CSN3: variants seen among roughly 807,000 people sequenced by gnomAD.
CSN3 encodes the protein casein kappa.
In CSN3, 7 loss-of-function variants were observed where a neutral mutation model predicts 9.9. The observed-to-expected ratio is 0.71, with a 90% CI of 0.40 to 1.33. The LOEUF (loss-of-function observed/expected upper bound fraction) is 1.33. CSN3 is among the 40% of genes most tolerant of loss of function. The pLI is 0.01. For synonymous variants in CSN3, 88 were observed against 82.3 expected, an observed-to-expected ratio of 1.07 and a Z score of -0.37; for missense variants, 253 against 227.9, an observed-to-expected ratio of 1.11 and a Z score of -0.71.
At chr4:70,239,579 A>G (rs763349134), upstream of CSN3, among the ~76,000 whole-genome samples, 7 of 152,070 alleles carry the variant, frequency 4.6e-5, no homozygotes, top group South Asian at 1.2e-3. Context: ...TAAAGTCACA[A>G]TGACACTCAC....
At chr4:70,249,026 A>G (rs758357993) in exon 4 of CSN3, 1 of 1,604,094 alleles carries the variant, frequency 6.2e-7, no homozygotes, top group Non-Finnish European at 8.5e-7. Context: ...AGACCATTCT[A>G]TCAGAAAACA....
exon 4 of CSN3, chr4:70,249,217 C>T (rs886981765): frequency 6.2e-7 from 1 of 1,613,918 alleles, no homozygotes; most frequent in African/African-American, 1.3e-5. Flanking sequence ...GCCAAATAGC[C>T]ACCCACCCAC....
intron 4 of CSN3, among the ~76,000 whole-genome samples, chr4:70,250,140 T>G (rs1174875522): frequency 6.6e-6 from 1 of 152,224 alleles, no homozygotes; most frequent in African/African-American, 2.4e-5. Context: ...TGTTACTATT[T>G]ATTACTTGGA....
At chr4:70,244,708 A>G in intron 1 of CSN3, 104 bp from the exon 2 acceptor site, 1 of 518,564 alleles carries the variant, frequency 1.9e-6, no homozygotes, top group Non-Finnish European at 3.0e-6. Flanking sequence ...TCTACCTGTA[A>G]ATCTGGCTTT....
chr4:70,247,698 T>TA lies in CSN3; in HGVS notation c.55-114dup, dbSNP rs1241259471. The TA allele has an allele frequency of 5.7e-6, 5 of 875,308 alleles. No individual in the cohort carries two copies. The Admixed American group carries it at 8.9e-5, about 16-fold the overall frequency. The allele number at this position is 875,308 out of a possible 1,614,324, so 54.2% of individuals were successfully genotyped here. A position where few individuals can be genotyped will look rare whatever the true frequency, so the allele number is the denominator to read the frequency against. ...CATAGATCACTCATGAAAAATGTTT[T>TA]AAAAAATAAAAAGAAAACATATTTT... On this transcript the variant is annotated intron_variant, in intron 2 of 4. Coordinates refer to ENST00000304954, the Ensembl canonical transcript of CSN3.
chr4:70,249,488 A>C, exon 4 of CSN3: 1 of 1,532,138 alleles, frequency 6.5e-7, no homozygotes, highest in Non-Finnish European at 9.0e-7. Flanking sequence ...AAAGAACACA[A>C]CGCAGGTAAA....
At position 70,249,525 on chromosome 4, in the gene CSN3, C is replaced by T. The variant is rs556456544; in HGVS notation, c.*34+32C>T. The T allele has an allele frequency of 1.9e-4, 230 of 1,219,220 alleles. 1 individual carries two copies. The highest frequency in any genetic ancestry group is 4.4e-4 in the South Asian group (32 of 72,384). The allele number at this position is 1,219,220 out of a possible 1,614,324, so 75.5% of individuals were successfully genotyped here. A position where few individuals can be genotyped will look rare whatever the true frequency, so the allele number is the denominator to read the frequency against. Reference sequence around the variant, plus strand: ...TAACAGTATATAAAATGAGTAATTCCGACAAGAAGCATGGATTTATGAATA... The same window carrying T: ...TAACAGTATATAAAATGAGTAATTCTGACAAGAAGCATGGATTTATGAATA... On this transcript the variant is annotated intron_variant, in intron 4 of 4. Coordinates refer to ENST00000304954, the Ensembl canonical transcript of CSN3.
chr4:70,245,350 C>T (rs367953759), intron 2 of CSN3, among the ~76,000 whole-genome samples: 2 of 152,076 alleles, frequency 1.3e-5, no homozygotes, highest in South Asian at 2.1e-4. Flanking sequence ...TTTCAAAGAC[C>T]TTGATACTTC....
intron 1 of CSN3, 84 bp from the exon 2 acceptor site, chr4:70,244,728 T>G (rs1730340821): frequency 3.0e-6 from 2 of 673,082 alleles, no homozygotes; most frequent in African/African-American, 3.8e-5. Context: ...TTTTTCTTAA[T>G]CAAGGAAACA....
At chr4:70,241,226 G>A (rs1730263862), upstream of CSN3, among the ~76,000 whole-genome samples, 1 of 151,962 alleles carries the variant, frequency 6.6e-6, no homozygotes, top group Non-Finnish European at 1.5e-5. Flanking sequence ...AAATAGTTCA[G>A]ATAGAATGGC....
rs991729529 is a variant in CSN3 at position 70,249,024 on chromosome 4, C to G, written c.114C>G (p.Phe38Leu). The G allele has an allele frequency of 2.5e-6, 4 of 1,600,008 alleles. No homozygotes were observed. The African/African-American group carries it at 4.0e-5, about 16-fold the overall frequency. Residue 38 changes from phenylalanine (F) to leucine (L), a missense_variant, in exon 4 of 5, where the codon TTC becomes TTG. Transcript: ENST00000304954. ...GCCATGAGAATGATGAAAGACCATTCTATCAGAAAACAGCTCCATATGTCC... is the reference window on the plus strand; with the variant it reads ...GCCATGAGAATGATGAAAGACCATTGTATCAGAAAACAGCTCCATATGTCC...
At chr4:70,246,429 T>C (rs6820243) in intron 2 of CSN3, among the ~76,000 whole-genome samples, 17,398 of 151,998 alleles carry the variant, frequency 0.11, 1,314 homozygotes, top group East Asian at 0.27. Context: ...TCTTAATAGA[T>C]AACGATAAGA....
chr4:70,243,429 C>A (rs1730310596), intron 1 of CSN3, among the ~76,000 whole-genome samples: 1 of 152,014 alleles, frequency 6.6e-6, no homozygotes, highest in South Asian at 2.1e-4. Context: ...CAAATTGATT[C>A]CAAATGAGTT....
At chr4:70,247,083 C>T (rs1355881110) in intron 2 of CSN3, among the ~76,000 whole-genome samples, 2 of 152,168 alleles carry the variant, frequency 1.3e-5, no homozygotes, top group African/African-American at 4.8e-5. Flanking sequence ...ATTTTCTATA[C>T]TCACACCTTC....
chr4:70,239,125 C>T (rs1456845813), upstream of CSN3, among the ~76,000 whole-genome samples: 2 of 151,342 alleles, frequency 1.3e-5, no homozygotes, highest in Non-Finnish European at 2.9e-5. Flanking sequence ...GTGGTGGATG[C>T]TGGAAGAATT....
chr4:70,247,550 A>G (rs1224749765), intron 2 of CSN3, among the ~76,000 whole-genome samples: 3 of 152,042 alleles, frequency 2.0e-5, no homozygotes, highest in Non-Finnish European at 2.9e-5. Context: ...GAGTCAGATG[A>G]CTAGATTTTT....
intron 3 of CSN3, 117 bp downstream of exon 3, chr4:70,247,967 C>T: frequency 7.8e-6 from 5 of 637,792 alleles, no homozygotes; most frequent in Non-Finnish European, 1.3e-5. Context: ...TTCCATAAAA[C>T]AATCTAATAA....
upstream of CSN3, among the ~76,000 whole-genome samples, chr4:70,239,223 A>G (rs1045014046): frequency 3.4e-5 from 4 of 119,272 alleles, no homozygotes; most frequent in South Asian, 3.5e-4. Flanking sequence ...CTCGAGGGGG[A>G]AAAAAAAAGA....
At chr4:70,251,334 T>G (rs1377839345) in exon 5 of CSN3, 1 of 152,180 alleles carries the variant, frequency 6.6e-6, no homozygotes, top group Non-Finnish European at 1.5e-5. Flanking sequence ...ACAGAAAATG[T>G]GATTTTCACA....
Sources: allele counts gnomAD v4.1 joint callset (sites outside exome capture counted in the v4.1 genomes callset), GRCh38; gene constraint gnomAD v4.1.1; transcripts MANE v1.5; gene names NCBI Gene and HGNC (gene_info 2026-07-23, HGNC 2026-07-21).